Variants in KATNA1 observed in about 807,000 individuals in gnomAD.
The protein encoded by KATNA1 is katanin catalytic subunit A1.
Under a neutral mutation model 62.6 loss-of-function variants are expected in KATNA1, and 42 were observed. The observed-to-expected ratio is 0.67, with a 90% CI of 0.52 to 0.87. The LOEUF (loss-of-function observed/expected upper bound fraction) is 0.87. KATNA1 is among the 40% of genes least tolerant of loss of function. The probability of loss-of-function intolerance (pLI) is 0.00; values close to 1 mark genes in which losing one functional copy is unlikely to be tolerated. For synonymous variants in KATNA1, 186 were observed against 201.9 expected, an observed-to-expected ratio of 0.92 and a Z score of 0.67; for missense variants, 498 against 612.5, an observed-to-expected ratio of 0.81 and a Z score of 1.97.
At chr6:149,611,473 AAAAAAAGAAAAAAG>A (rs1360922643) in intron 4 of KATNA1, among the ~76,000 whole-genome samples, 12 of 148,046 alleles carry the variant, frequency 8.1e-5, no homozygotes, top group African/African-American at 2.5e-4. Context: ...AAAAAAAAAA[AAAAAAAGAAAAAAG>A]AAAAAAGAAA....
Position 149,638,385 on chromosome 6 carries a change from C to A in KATNA1, c.162+1G>T. ...AAACATACAGCAGCCATTACTCTCACCTGTTGCCATTTCTGCTGGAGGTAT... is the reference window on the plus strand; with the variant it reads ...AAACATACAGCAGCCATTACTCTCAACTGTTGCCATTTCTGCTGGAGGTAT... On this transcript the variant is annotated splice_donor_variant, in intron 2 of 10. Coordinates refer to ENST00000367411, the MANE Select transcript of KATNA1 (RefSeq NM_007044.4). LOFTEE classifies it high-confidence loss of function. 6.2e-7 allele frequency: 1 copy of A among 1,611,606 alleles called. No individual in the cohort carries two copies. The highest frequency in any genetic ancestry group is 1.3e-5 in the African/African-American group (1 of 74,898).
At chr6:149,648,821 C>T (rs1780586802), upstream of KATNA1, 1 of 152,330 alleles carries the variant, frequency 6.6e-6, no homozygotes, top group Admixed American at 6.5e-5. Context: ...ACCGCCTCCT[C>T]CCGGCGGACG....
At chr6:149,595,386 A>G (rs757198447) in intron 10 of KATNA1, 152 bp from the exon 11 acceptor site, 233 of 534,300 alleles carry the variant, frequency 4.4e-4, no homozygotes, top group Admixed American at 1.3e-3. Flanking sequence ...TTATTGGAAT[A>G]CAAAGCCTGT....
intron 2 of KATNA1, among the ~76,000 whole-genome samples, chr6:149,637,519 C>G (rs752872706): frequency 6.6e-6 from 1 of 151,984 alleles, no homozygotes; most frequent in Admixed American, 6.6e-5. Context: ...CAAAAAATGT[C>G]AAAACCATTG....
At chr6:149,612,058 C>T (rs1435916774) in intron 4 of KATNA1, among the ~76,000 whole-genome samples, 1 of 152,040 alleles carries the variant, frequency 6.6e-6, no homozygotes, top group Non-Finnish European at 1.5e-5. Context: ...AATTTGACAA[C>T]TTGGATTAAA....
intron 1 of KATNA1, among the ~76,000 whole-genome samples, chr6:149,645,231 G>A (rs1780437144): frequency 6.6e-6 from 1 of 152,028 alleles, no homozygotes; most frequent in South Asian, 2.1e-4. Flanking sequence ...TGGATCACCA[G>A]GTCAGATCAA....
intron 4 of KATNA1, among the ~76,000 whole-genome samples, chr6:149,621,360 G>A (rs80277578): frequency 1.3e-5 from 2 of 151,898 alleles, no homozygotes; most frequent in East Asian, 3.9e-4. Flanking sequence ...TCCTGACCTC[G>A]TGATCCGCCC....
At chr6:149,605,690 T>G (rs1187200938) in intron 4 of KATNA1, among the ~76,000 whole-genome samples, 4 of 152,228 alleles carry the variant, frequency 2.6e-5, no homozygotes, top group Non-Finnish European at 5.9e-5. Flanking sequence ...TTGAACACTG[T>G]GTGAACTACT....
At chr6:149,623,399 G>T in intron 3 of KATNA1, 116 bp from the exon 4 acceptor site, 1 of 649,476 alleles carries the variant, frequency 1.5e-6, no homozygotes, top group Non-Finnish European at 2.4e-6. Flanking sequence ...CTGAACACAA[G>T]ACACGACTGA....
intron 6 of KATNA1, among the ~76,000 whole-genome samples, chr6:149,602,607 C>A (rs1256662877): frequency 1.3e-5 from 2 of 152,032 alleles, no homozygotes; most frequent in African/African-American, 4.8e-5. Flanking sequence ...TGAGAACAAT[C>A]CCCAAAATAC....
intron 4 of KATNA1, among the ~76,000 whole-genome samples, chr6:149,615,828 TAAAA>T (rs1323353580): frequency 6.6e-6 from 1 of 151,980 alleles, no homozygotes; most frequent in Non-Finnish European, 1.5e-5. Flanking sequence ...AATTTTAAAA[TAAAA>T]AAACATGAAC....
intron 4 of KATNA1, among the ~76,000 whole-genome samples, chr6:149,613,354 T>C (rs1045242592): frequency 1.3e-5 from 2 of 151,996 alleles, no homozygotes; most frequent in Admixed American, 1.3e-4. Context: ...TTTGACATAG[T>C]ACTGGAAGTT....
chr6:149,628,339 G>A (rs973174925), intron 3 of KATNA1, among the ~76,000 whole-genome samples: 32 of 147,098 alleles, frequency 2.2e-4, no homozygotes, highest in African/African-American at 3.3e-4. Flanking sequence ...TCGAACTCCC[G>A]ACCTTGGCAT....
At chr6:149,617,250 C>T (rs1779200084) in intron 4 of KATNA1, among the ~76,000 whole-genome samples, 1 of 152,182 alleles carries the variant, frequency 6.6e-6, no homozygotes, top group Non-Finnish European at 1.5e-5. Flanking sequence ...GATTCCACAA[C>T]TAGTGGAACA....
chr6:149,628,191 G>A (rs1297696458), intron 3 of KATNA1, among the ~76,000 whole-genome samples: 6 of 151,006 alleles, frequency 4.0e-5, no homozygotes, highest in South Asian at 2.1e-4. Context: ...TCCGCCTCCT[G>A]GGTTCACGCC....
At chr6:149,645,839 T>C (rs2114646564) in intron 1 of KATNA1, among the ~76,000 whole-genome samples, 1 of 152,276 alleles carries the variant, frequency 6.6e-6, no homozygotes, top group South Asian at 2.1e-4. Context: ...TCTAGCAATA[T>C]AGTATGTGAT....
At chr6:149,641,140 G>A (rs1780267299) in intron 1 of KATNA1, among the ~76,000 whole-genome samples, 1 of 150,784 alleles carries the variant, frequency 6.6e-6, no homozygotes, top group Non-Finnish European at 1.5e-5. Context: ...AAAGTGCTGG[G>A]ATTACAGGTG....
intron 4 of KATNA1, among the ~76,000 whole-genome samples, chr6:149,621,422 C>G (rs1779389439): frequency 6.6e-6 from 1 of 151,882 alleles, no homozygotes; most frequent in Non-Finnish European, 1.5e-5. Context: ...CCGCGCCCGG[C>G]CCTGTGCCTT....
intron 4 of KATNA1, among the ~76,000 whole-genome samples, chr6:149,610,136 A>G (rs1330824439): frequency 6.6e-6 from 1 of 151,402 alleles, no homozygotes; most frequent in Non-Finnish European, 1.5e-5. Flanking sequence ...TCTCTACAAA[A>G]TAAAAATTAA....
Sources: gnomAD v4.1 joint callset for allele counts (sites outside exome capture counted in the v4.1 genomes callset) on GRCh38, gnomAD v4.1.1 for gene constraint, MANE v1.5 for transcripts, NCBI Gene and HGNC (gene_info 2026-07-23, HGNC 2026-07-21) for gene names.